NRXN3: variants seen among roughly 807,000 people sequenced by gnomAD.
NRXN3 encodes neurexin III.
Under a neutral mutation model 137.6 loss-of-function variants are expected in NRXN3, and 32 were observed. The ratio of observed to expected loss-of-function variants is 0.23; its 90% CI spans 0.18 to 0.31. The LOEUF is 0.31. Among genes scored for constraint, NRXN3 ranks in the 10% least tolerant of loss-of-function variants. The pLI is 1.00. For missense variants in NRXN3, 1,574 were observed against 2,062.5 expected (o/e 0.76, Z 4.59); for synonymous variants, 798 against 784.5 (o/e 1.02, Z -0.29).
intron 4 of NRXN3, among the ~76,000 whole-genome samples, chr14:78,480,455 A>G (rs1189293308): frequency 6.6e-6 from 1 of 152,252 alleles, no homozygotes; most frequent in Non-Finnish European, 1.5e-5. Context: ...GGTGGCATCC[A>G]GGAATCTTTA....
intron 10 of NRXN3, among the ~76,000 whole-genome samples, chr14:78,834,937 C>A (rs1050834141): frequency 6.6e-6 from 1 of 151,912 alleles, no homozygotes; most frequent in Admixed American, 6.6e-5. Context: ...CTCTTCCCCT[C>A]CCCTTCCTCC....
At chr14:79,103,973 CA>C (rs1322670773) in intron 15 of NRXN3, among the ~76,000 whole-genome samples, 5 of 152,134 alleles carry the variant, frequency 3.3e-5, no homozygotes, top group African/African-American at 1.2e-4. Context: ...TACACATGTG[CA>C]CACATATGAA....
chr14:79,375,232 T>A (rs2094229645), intron 15 of NRXN3, among the ~76,000 whole-genome samples: 1 of 107,932 alleles, frequency 9.3e-6, no homozygotes, highest in Admixed American at 1.3e-4. Flanking sequence ...TTTGAGTTTT[T>A]GTGTTTTTTT....
At chr14:79,388,198 C>T (rs2094708346) in intron 15 of NRXN3, among the ~76,000 whole-genome samples, 2 of 152,090 alleles carry the variant, frequency 1.3e-5, no homozygotes, top group African/African-American at 2.4e-5. Context: ...CCAGCTCCCC[C>T]TTCACCTTCT....
chr14:79,368,871 T>G (rs1363601633), intron 15 of NRXN3, among the ~76,000 whole-genome samples: 1 of 152,222 alleles, frequency 6.6e-6, no homozygotes, highest in Non-Finnish European at 1.5e-5. Context: ...TTAATTTTTT[T>G]GTGGATTCCA....
chr14:78,658,294 A>C (rs1296649632), intron 6 of NRXN3, among the ~76,000 whole-genome samples: 1 of 152,182 alleles, frequency 6.6e-6, no homozygotes, highest in Non-Finnish European at 1.5e-5. Context: ...AGCAAGCCGC[A>C]TGACTGTTCT....
chr14:78,244,796 G>A (rs894999691), intron 2 of NRXN3, among the ~76,000 whole-genome samples: 2 of 152,198 alleles, frequency 1.3e-5, no homozygotes, highest in African/African-American at 4.8e-5. Context: ...TGACTGCAGT[G>A]TTGTTCAGCC....
chr14:78,789,013 G>T (rs1042467769), intron 8 of NRXN3, among the ~76,000 whole-genome samples: 4 of 152,158 alleles, frequency 2.6e-5, no homozygotes, highest in Non-Finnish European at 5.9e-5. Flanking sequence ...AATTGACTCA[G>T]AGCAATTCTC....
intron 4 of NRXN3, among the ~76,000 whole-genome samples, chr14:78,429,659 C>G (rs1379436934): frequency 1.3e-5 from 2 of 152,184 alleles, no homozygotes; most frequent in Non-Finnish European, 2.9e-5. Flanking sequence ...ATTTGTTGTG[C>G]CAGCTCCTGC....
At chr14:79,168,239 G>C (rs1281912545) in intron 15 of NRXN3, among the ~76,000 whole-genome samples, 2 of 152,006 alleles carry the variant, frequency 1.3e-5, no homozygotes, top group African/African-American at 4.8e-5. Flanking sequence ...GATGGAATTA[G>C]CACAAAGGCT....
chr14:78,530,270 A>G (rs1168341397), intron 4 of NRXN3, among the ~76,000 whole-genome samples: 1 of 152,190 alleles, frequency 6.6e-6, no homozygotes, highest in Non-Finnish European at 1.5e-5. Flanking sequence ...CAGAGGCACC[A>G]GGTTACTTTT....
intron 10 of NRXN3, among the ~76,000 whole-genome samples, chr14:78,834,770 C>T (rs2098991617): frequency 6.6e-6 from 1 of 152,154 alleles, no homozygotes; most frequent in Admixed American, 6.5e-5. Flanking sequence ...TACCAGCACA[C>T]ACCAGTGTTG....
intron 17 of NRXN3, among the ~76,000 whole-genome samples, chr14:79,672,974 A>G (rs920399866): frequency 6.6e-6 from 1 of 152,124 alleles, no homozygotes; most frequent in Non-Finnish European, 1.5e-5. Context: ...ATATTCACAT[A>G]CAGTATGTCA....
intron 15 of NRXN3, among the ~76,000 whole-genome samples, chr14:79,258,019 A>G (rs1339042311): frequency 6.6e-6 from 1 of 152,094 alleles, no homozygotes. Context: ...ACTTCTTCCT[A>G]CAAGACATAA....
chr14:79,273,821 G>A (rs2079813680), intron 15 of NRXN3, among the ~76,000 whole-genome samples: 1 of 151,842 alleles, frequency 6.6e-6, no homozygotes, highest in Non-Finnish European at 1.5e-5. Context: ...ATCGAGCCGG[G>A]CATGATGGCT....
chr14:78,498,996 T>G (rs1203526292), intron 4 of NRXN3, among the ~76,000 whole-genome samples: 1 of 152,072 alleles, frequency 6.6e-6, no homozygotes, highest in East Asian at 1.9e-4. Flanking sequence ...TACCTTAGTT[T>G]TATTGCTGTA....
chr14:78,859,666 T>C (rs1267278759), intron 10 of NRXN3, among the ~76,000 whole-genome samples: 1 of 152,288 alleles, frequency 6.6e-6, no homozygotes, highest in Non-Finnish European at 1.5e-5. Flanking sequence ...TTAAGCTTAT[T>C]TGGGGACTGT....
intron 16 of NRXN3, among the ~76,000 whole-genome samples, chr14:79,471,949 G>A (rs1369153206): frequency 6.6e-6 from 1 of 152,076 alleles, no homozygotes. Flanking sequence ...CAGGTATTAA[G>A]CTTAATATCC....
intron 4 of NRXN3, among the ~76,000 whole-genome samples, chr14:78,502,750 C>A (rs902932898): frequency 6.6e-6 from 1 of 152,282 alleles, no homozygotes; most frequent in Middle Eastern, 3.4e-3. Context: ...GTTAATCTCC[C>A]TCACCCTTCC....
Sources: gnomAD v4.1 joint callset for allele counts (sites outside exome capture counted in the v4.1 genomes callset) on GRCh38, gnomAD v4.1.1 for gene constraint, MANE v1.5 for transcripts, NCBI Gene and HGNC (gene_info 2026-07-23, HGNC 2026-07-21) for gene names.